The following CDH22 variants were observed in gnomAD, a reference collection of about 807,000 sequenced individuals.
CDH22 encodes the protein cadherin-22.
A neutral mutation model predicts 58.4 loss-of-function variants in CDH22; 30 were observed. The ratio of observed to expected loss-of-function variants is 0.51; its 90% confidence interval spans 0.38 to 0.70. CDH22 has a LOEUF of 0.70. Among genes scored for constraint, CDH22 ranks in the 30% least tolerant of loss-of-function variants. The probability of loss-of-function intolerance (pLI) is 0.00; values close to 1 mark genes in which losing one functional copy is unlikely to be tolerated. For synonymous variants in CDH22, 513 were observed against 558.2 expected (o/e 0.92, Z 1.14); for missense variants, 1,014 against 1,233.9 (o/e 0.82, Z 2.67).
intron 1 of CDH22, among the ~76,000 whole-genome samples, chr20:46,259,359 T>C (rs1324644090): frequency 6.6e-6 from 1 of 152,244 alleles, no homozygotes; most frequent in Non-Finnish European, 1.5e-5. Context: ...CAAATAAGCC[T>C]TAACAGGTTT....
At chr20:46,263,339 A>C (rs2086442892) in intron 1 of CDH22, among the ~76,000 whole-genome samples, 2 of 151,974 alleles carry the variant, frequency 1.3e-5, no homozygotes, top group Admixed American at 1.3e-4. Context: ...AGCACCTACT[A>C]TGTGCCAGGC....
At chr20:46,187,910 G>A (rs540133380) in intron 8 of CDH22, among the ~76,000 whole-genome samples, 6 of 152,200 alleles carry the variant, frequency 3.9e-5, no homozygotes, top group East Asian at 1.9e-4. Flanking sequence ...GACATGGGTC[G>A]GGGCAACTAA....
At chr20:46,240,281 G>A (rs1399061551) in intron 3 of CDH22, among the ~76,000 whole-genome samples, 1 of 152,092 alleles carries the variant, frequency 6.6e-6, no homozygotes, top group East Asian at 1.9e-4. Context: ...CTGAGTCTGT[G>A]CAGAAGCACT....
chr20:46,209,852 A>G, intron 7 of CDH22: 1 of 158,524 alleles, frequency 6.3e-6, no homozygotes, highest in Non-Finnish European at 1.4e-5. Flanking sequence ...TGATGGAGAG[A>G]CCAGGAACCC....
At chr20:46,262,538 C>T (rs889928481) in intron 1 of CDH22, among the ~76,000 whole-genome samples, 1 of 152,142 alleles carries the variant, frequency 6.6e-6, no homozygotes, top group Non-Finnish European at 1.5e-5. Context: ...CAGACTCAGG[C>T]CTAGCGTTCA....
At chr20:46,211,890 T>C (rs1390579692) in intron 6 of CDH22, among the ~76,000 whole-genome samples, 1 of 151,808 alleles carries the variant, frequency 6.6e-6, no homozygotes, top group Admixed American at 6.6e-5. Context: ...ACCGAACTTC[T>C]TGGGGCCTCA....
rs1439926146 is a variant in CDH22 at position 46,196,317 on chromosome 20, C to T, written c.1423+3106G>A. ...TTGAGACAGAGTCTTGCCTGTTGCC[C>T]AGGCTGGAGCGCAGGGGCATGATCT... On this transcript the variant is annotated intron_variant, in intron 8 of 11. Transcript: ENST00000537909. Among the ~76,000 whole-genome samples, 6 of 152,064 alleles carry T rather than the reference C, an allele frequency of 3.9e-5. No individual in the cohort carries two copies. The East Asian group carries it at 1.2e-3, about 29-fold the overall frequency.
intron 3 of CDH22, among the ~76,000 whole-genome samples, 189 bp downstream of exon 3, chr20:46,240,774 T>C (rs1742033320): frequency 6.6e-6 from 1 of 152,066 alleles, no homozygotes; most frequent in Non-Finnish European, 1.5e-5. Flanking sequence ...TGAAGTCATG[T>C]GTGTGGTTTT....
intron 1 of CDH22, among the ~76,000 whole-genome samples, chr20:46,295,644 C>A (rs2086625789): frequency 6.6e-6 from 1 of 152,218 alleles, no homozygotes; most frequent in Non-Finnish European, 1.5e-5. Context: ...CTTCCAAAAT[C>A]CAAGTCCAGC....
At chr20:46,295,317 C>G (rs2086624400) in intron 1 of CDH22, among the ~76,000 whole-genome samples, 2 of 152,242 alleles carry the variant, frequency 1.3e-5, no homozygotes, top group South Asian at 4.1e-4. Context: ...TGGCTGGACT[C>G]TAGCTCTGCA....
At chr20:46,248,352 GGCTGAAGT>G (rs1002958753) in intron 2 of CDH22, among the ~76,000 whole-genome samples, 27 of 152,334 alleles carry the variant, frequency 1.8e-4, no homozygotes, top group African/African-American at 6.5e-4. Context: ...CAGACAGCAA[GGCTGAAGT>G]GCCTGGGATG....
chr20:46,264,986 C>T (rs2086451673), intron 1 of CDH22, among the ~76,000 whole-genome samples: 1 of 152,200 alleles, frequency 6.6e-6, no homozygotes, highest in African/African-American at 2.4e-5. Flanking sequence ...TGTTAGAACC[C>T]TCCACCTCAG....
In CDH22 at chr20:46,210,314, G is replaced by A; in HGVS notation, c.1279C>T (p.Pro427Ser). The A allele has an allele frequency of 6.9e-7, 1 of 1,444,214 alleles. No homozygotes were observed. Among genetic ancestry groups the A allele is most frequent in the Non-Finnish European group, 9.1e-7 (1 of 1,104,132 alleles). The allele number at this position is 1,444,214 out of a possible 1,614,324, so 89.5% of individuals were successfully genotyped here. A position where few individuals can be genotyped will look rare whatever the true frequency, so the allele number is the denominator to read the frequency against. The change falls in exon 7 of 12, where the codon CCC becomes TCC. Residue 427 changes from proline to serine, a missense_variant. Physicochemically the swap from Pro to Ser is moderately conservative, Grantham distance 74. Around this residue, in one of 2 missense-constraint regions of CDH22, gnomAD observed 806 missense variants for 1,038.7 expected, o/e 0.78. Transcript: ENST00000537909. This position sits in a 1 kb window ranked among gnomAD's most constrained non-coding sequence, Gnocchi z 4.5. ...TARDPDAANR[P>S]VRYAIDRESD... ...CCCGGGCGGGGGTCTCACCGGACGG[G>A]CCGGTTGGCGGCGTCGGGGTCCCGC... is the stretch of plus-strand genomic sequence containing the variant.
intron 1 of CDH22, among the ~76,000 whole-genome samples, chr20:46,257,996 T>C (rs548760612): frequency 1.3e-5 from 2 of 152,272 alleles, no homozygotes; most frequent in African/African-American, 4.8e-5. Context: ...GAGGGGTAAG[T>C]GTCTGTCCAA....
intron 7 of CDH22, among the ~76,000 whole-genome samples, chr20:46,207,749 C>G (rs969860694): frequency 3.9e-5 from 6 of 152,228 alleles, no homozygotes; most frequent in Admixed American, 6.5e-5. Flanking sequence ...ACACCAACCA[C>G]TCCTCTGCCT....
intron 1 of CDH22, among the ~76,000 whole-genome samples, chr20:46,287,919 G>C (rs1419616204): frequency 1.3e-5 from 2 of 152,118 alleles, no homozygotes; most frequent in South Asian, 4.1e-4. Context: ...GGTGGGGGCA[G>C]TGAGGTTGGA....
intron 1 of CDH22, among the ~76,000 whole-genome samples, chr20:46,284,920 G>A (rs1284826923): frequency 6.6e-6 from 1 of 152,126 alleles, no homozygotes; most frequent in African/African-American, 2.4e-5. Context: ...CTTCTGGGAT[G>A]GGCACAGATC....
intron 1 of CDH22, among the ~76,000 whole-genome samples, chr20:46,285,826 T>A (rs1007666477): frequency 1.2e-4 from 18 of 152,318 alleles, no homozygotes; most frequent in Admixed American, 2.6e-4. Flanking sequence ...GGGTACTCAG[T>A]GGTGGATTAA....
chr20:46,216,655 G>C lies in CDH22; in HGVS notation c.838+171C>G, dbSNP rs982338322. Among the ~76,000 whole-genome samples the C allele has an allele frequency of 1.3e-5, 2 of 152,144 alleles. No individual in the cohort carries two copies. The highest frequency in any genetic ancestry group is 2.9e-5 in the Non-Finnish European group (2 of 68,028). ...TCCTTGGTAGGAAGCATGGTTGGAG[G>C]GGGGCTGGGGGATAGCTGGTGGCTT... is the stretch of plus-strand genomic sequence containing the variant. On this transcript the variant is annotated intron_variant, in intron 5 of 11. Transcript: ENST00000537909. This position sits in a 1 kb window ranked among gnomAD's most constrained non-coding sequence, Gnocchi z 5.3.
Sources: allele counts gnomAD v4.1 joint callset (sites outside exome capture counted in the v4.1 genomes callset), GRCh38; gene constraint gnomAD v4.1.1; regional missense constraint gnomAD v4.1.1; non-coding constraint Gnocchi (gnomAD v3.1); transcripts MANE v1.5; gene names NCBI Gene and HGNC (gene_info 2026-07-23, HGNC 2026-07-21).